DPP10: variants seen among roughly 807,000 people sequenced by gnomAD.
The protein encoded by DPP10 is dipeptidyl peptidase like 10.
A neutral mutation model predicts 120.9 loss-of-function variants in DPP10; 33 were observed. The observed-to-expected ratio is 0.27, with a 90% CI of 0.21 to 0.37. The LOEUF is 0.37. Ranked by LOEUF, DPP10 falls within the 10% of genes least tolerant of loss-of-function variation. The pLI is 1.00. For missense variants in DPP10, 816 were observed against 942.8 expected (o/e 0.87, Z 1.76); for synonymous variants, 337 against 326.1 (o/e 1.03, Z -0.36).
intron 4 of DPP10, among the ~76,000 whole-genome samples, chr2:115,508,905 GTAAA>G (rs2077086107): frequency 6.6e-6 from 1 of 152,054 alleles, no homozygotes; most frequent in African/African-American, 2.4e-5. Context: ...TCATCTCTAA[GTAAA>G]TAAATAAATA....
intron 1 of DPP10, among the ~76,000 whole-genome samples, chr2:114,602,543 T>C (rs1156578874): frequency 6.6e-6 from 1 of 152,024 alleles, no homozygotes; most frequent in Non-Finnish European, 1.5e-5. Context: ...TCCTATTTAG[T>C]ATGAAGTGGG....
chr2:114,588,765 A>G (rs927551627), intron 1 of DPP10, among the ~76,000 whole-genome samples: 4 of 152,274 alleles, frequency 2.6e-5, no homozygotes, highest in African/African-American at 9.6e-5. Context: ...TTAGAAAAAC[A>G]GTTGGTGCAG....
chr2:114,557,647 T>A (rs547910935), intron 1 of DPP10, among the ~76,000 whole-genome samples: 1 of 152,286 alleles, frequency 6.6e-6, no homozygotes, highest in East Asian at 1.9e-4. Context: ...TGGAGAGTAG[T>A]GTTCAGTCTT....
At chr2:115,599,327 T>A (rs759787828) in intron 5 of DPP10, among the ~76,000 whole-genome samples, 22 of 152,130 alleles carry the variant, frequency 1.4e-4, no homozygotes, top group Non-Finnish European at 2.5e-4. Context: ...TTTGACATTG[T>A]CTCATAGACT....
chr2:115,246,467 A>C (rs1574150399), intron 1 of DPP10, among the ~76,000 whole-genome samples: 1 of 152,272 alleles, frequency 6.6e-6, no homozygotes, highest in South Asian at 2.1e-4. Flanking sequence ...TTTCAAGTAG[A>C]GGTCTTTCTG....
chr2:114,673,681 C>G (rs1698491203), intron 1 of DPP10, among the ~76,000 whole-genome samples: 1 of 152,090 alleles, frequency 6.6e-6, no homozygotes. Flanking sequence ...GTCTCAAACT[C>G]CTGACCTCAG....
chr2:115,770,583 A>C (rs549511670), intron 13 of DPP10, among the ~76,000 whole-genome samples: 1 of 152,254 alleles, frequency 6.6e-6, no homozygotes, highest in East Asian at 1.9e-4. Flanking sequence ...AGTCAGTGCT[A>C]GGTAAATACA....
chr2:115,248,870 A>G (rs2058641917), intron 1 of DPP10, among the ~76,000 whole-genome samples: 1 of 152,166 alleles, frequency 6.6e-6, no homozygotes, highest in African/African-American at 2.4e-5. Context: ...GATTACATCC[A>G]AAGACCAGGA....
chr2:115,794,296 G>A (rs1033142233), intron 19 of DPP10, among the ~76,000 whole-genome samples: 2 of 152,266 alleles, frequency 1.3e-5, no homozygotes, highest in East Asian at 1.9e-4. Context: ...ATGAGTTAGC[G>A]TCAGGCTGCA....
chr2:114,456,286 G>T (rs1159341382), intron 1 of DPP10, among the ~76,000 whole-genome samples: 1 of 152,186 alleles, frequency 6.6e-6, no homozygotes, highest in East Asian at 1.9e-4. Flanking sequence ...TCAAAGGATA[G>T]CTTAGGGTCT....
chr2:114,882,888 G>A (rs1691761334), intron 1 of DPP10, among the ~76,000 whole-genome samples: 2 of 152,136 alleles, frequency 1.3e-5, no homozygotes, highest in South Asian at 4.1e-4. Flanking sequence ...AGGATGCCAA[G>A]CATTCACAAT....
chr2:115,819,729 C>G (rs1687614160), intron 21 of DPP10, among the ~76,000 whole-genome samples: 1 of 152,100 alleles, frequency 6.6e-6, no homozygotes, highest in Non-Finnish European at 1.5e-5. Context: ...TTTGGTGGCT[C>G]ACACCTGTAA....
intron 1 of DPP10, among the ~76,000 whole-genome samples, chr2:114,865,268 A>G (rs562661836): frequency 7.2e-5 from 11 of 152,328 alleles, no homozygotes; most frequent in South Asian, 4.1e-4. Context: ...ATTGGTCTCA[A>G]TATACTAATT....
chr2:115,787,186 C>CA (rs1683441677), intron 17 of DPP10, among the ~76,000 whole-genome samples: 1 of 152,082 alleles, frequency 6.6e-6, no homozygotes, highest in Non-Finnish European at 1.5e-5. Context: ...CCCAGGCTTT[C>CA]AAAATGTAAA....
At chr2:115,076,378 AT>A (rs200329293) in intron 1 of DPP10, among the ~76,000 whole-genome samples, 6 of 147,988 alleles carry the variant, frequency 4.1e-5, no homozygotes, top group Admixed American at 1.4e-4. Context: ...ACATAAAAAT[AT>A]TTTTTTTTAG....
intron 5 of DPP10, among the ~76,000 whole-genome samples, chr2:115,658,434 C>G (rs1488031997): frequency 6.6e-6 from 1 of 151,752 alleles, no homozygotes; most frequent in Non-Finnish European, 1.5e-5. Context: ...ATCTCTCTCT[C>G]TTTTTATATT....
chr2:115,371,505 C>G (rs1236099488), intron 3 of DPP10, among the ~76,000 whole-genome samples: 1 of 152,082 alleles, frequency 6.6e-6, no homozygotes, highest in Non-Finnish European at 1.5e-5. Context: ...ACCTTTTTCC[C>G]TTCTTCAAAG....
chr2:115,835,169 C>T (rs540231107), intron 21 of DPP10, among the ~76,000 whole-genome samples: 1 of 151,742 alleles, frequency 6.6e-6, no homozygotes, highest in East Asian at 1.9e-4. Flanking sequence ...CAAACAGAAG[C>T]TTAATAACAT....
chr2:115,270,638 A>G (rs1485823895), intron 1 of DPP10, among the ~76,000 whole-genome samples: 2 of 152,152 alleles, frequency 1.3e-5, no homozygotes. Context: ...GGAGAGGAAG[A>G]TTTAACTGGG....
Sources: allele counts gnomAD v4.1 joint callset (sites outside exome capture counted in the v4.1 genomes callset), GRCh38; gene constraint gnomAD v4.1.1; transcripts MANE v1.5; gene names NCBI Gene and HGNC (gene_info 2026-07-23, HGNC 2026-07-21).